VPS26A: variants seen among roughly 807,000 people sequenced by gnomAD.
VPS26A encodes the protein vacuolar protein sorting-associated protein 26A.
Under a neutral mutation model 42.4 loss-of-function variants are expected in VPS26A, and 22 were observed. The ratio of observed to expected loss-of-function variants is 0.52; its 90% CI spans 0.37 to 0.74. The LOEUF is 0.74. VPS26A is among the 30% of genes least tolerant of loss of function. The pLI is 0.00. For missense variants in VPS26A, 276 were observed against 379.2 expected (o/e 0.73, Z 2.26); for synonymous variants, 110 against 123.5 (o/e 0.89, Z 0.73).
rs998524492 is a variant in VPS26A at position 69,174,411 on chromosome 10, A to G, written c.*3142A>G. 1.3e-5 allele frequency among the ~76,000 whole-genome samples: 2 copies of G among 152,154 alleles called. No homozygotes were observed. Among genetic ancestry groups the G allele is most frequent in the Non-Finnish European group, 2.9e-5 (2 of 68,042 alleles). On this transcript the variant is annotated 3_prime_UTR_variant, in exon 9 of 9. Transcript: ENST00000263559. ...CATTAAAATTTTTATTTCTGTCACT[A>G]ATGAAGAATTTTCTCATTGTTTTGA...
In VPS26A at chr10:69,157,012, T is replaced by C. The variant is rs1429715760; in HGVS notation, c.235T>C (p.Phe79Leu). The change falls in exon 4 of 9, where the codon TTC becomes CTC. Residue 79 changes from phenylalanine to leucine, a missense_variant. By Grantham distance (22) the Phe-to-Leu change is conservative. Transcript: ENST00000263559. ...RIEFVGQIELFNDKSNTHEFV... is the reference protein window; with the variant it reads ...RIEFVGQIELLNDKSNTHEFV... ...TGCCTTTTAAAATTTCTCAGAACTT[T>C]TCAATGACAAGAGTAATACTCATGA... The C allele has an allele frequency of 6.3e-7, 1 of 1,587,910 alleles. No individual in the cohort carries two copies. The highest frequency in any genetic ancestry group is 1.9e-5 in the Admixed American group (1 of 53,980).
intron 8 of VPS26A, 104 bp from the exon 9 acceptor site, chr10:69,171,052 G>A: frequency 2.1e-6 from 2 of 948,394 alleles, no homozygotes; most frequent in South Asian, 1.6e-5. Flanking sequence ...GGCTTTTGTA[G>A]GGAAGAATTT....
intron 1 of VPS26A, among the ~76,000 whole-genome samples, chr10:69,130,415 A>G (rs1326820818): frequency 6.6e-6 from 1 of 152,220 alleles, no homozygotes; most frequent in Non-Finnish European, 1.5e-5. Flanking sequence ...CTAAGACAAG[A>G]AGGACACTAG....
chr10:69,143,683 T>A (rs764873770), intron 2 of VPS26A, among the ~76,000 whole-genome samples: 1 of 152,200 alleles, frequency 6.6e-6, no homozygotes, highest in Non-Finnish European at 1.5e-5. Context: ...GTTTTGAGTC[T>A]TTATCACCCA....
At chr10:69,140,072 TG>T (rs916677620) in intron 2 of VPS26A, among the ~76,000 whole-genome samples, 29 of 150,116 alleles carry the variant, frequency 1.9e-4, no homozygotes, top group Admixed American at 5.9e-4. Flanking sequence ...TTTTCCCCAA[TG>T]TTTTTTTTTT....
At chr10:69,134,697 T>C (rs1414076110) in intron 2 of VPS26A, among the ~76,000 whole-genome samples, 2 of 152,104 alleles carry the variant, frequency 1.3e-5, no homozygotes, top group Non-Finnish European at 2.9e-5. Flanking sequence ...TTGTCTCTTC[T>C]GGTCCTTTGC....
chr10:69,166,150 C>A, intron 7 of VPS26A, 40 bp downstream of exon 7: 4 of 1,546,030 alleles, frequency 2.6e-6, no homozygotes, highest in Non-Finnish European at 3.6e-6. Context: ...ATAGTGCAAA[C>A]ATCAGTGTTC....
intron 2 of VPS26A, 112 bp from the exon 3 acceptor site, chr10:69,155,700 C>T: frequency 1.2e-6 from 1 of 832,198 alleles, no homozygotes; most frequent in Non-Finnish European, 1.9e-6. Flanking sequence ...GTGTCTCAAA[C>T]TTCATAAATG....
intron 1 of VPS26A, 102 bp downstream of exon 1, chr10:69,124,382 G>A: frequency 8.5e-7 from 1 of 1,174,026 alleles, no homozygotes; most frequent in Non-Finnish European, 1.1e-6. Flanking sequence ...AGGGGACGGG[G>A]GAGCAGGGCG....
chr10:69,145,096 C>T (rs531124323), intron 2 of VPS26A, among the ~76,000 whole-genome samples: 14 of 152,078 alleles, frequency 9.2e-5, no homozygotes, highest in African/African-American at 2.4e-4. Context: ...AGTGCAGTGG[C>T]GCCATCTTGG....
chr10:69,154,499 G>T (rs1333174510), intron 2 of VPS26A, among the ~76,000 whole-genome samples: 1 of 152,030 alleles, frequency 6.6e-6, no homozygotes, highest in Non-Finnish European at 1.5e-5. Flanking sequence ...TCTTGCCACT[G>T]CACTCTAGCC....
In VPS26A at chr10:69,168,578, T is replaced by C. The variant is rs758927563; in HGVS notation, c.817T>C (p.Phe273Leu). Residue 273 changes from phenylalanine to leucine, a missense_variant, in exon 8 of 9, where the codon TTT becomes CTT. Phe to Leu is a conservative substitution (Grantham distance 22). Coordinates refer to ENST00000263559, the MANE Select transcript of VPS26A (RefSeq NM_004896.5). ...DVNKKFSVRYFLNLVLVDEED... is the reference protein window; with the variant it reads ...DVNKKFSVRYLLNLVLVDEED... ...GAACAAAAAATTTTCAGTAAGGTACTTTTTGAATTTAGTGCTTGTTGATGA... is the reference window on the plus strand; with the variant it reads ...GAACAAAAAATTTTCAGTAAGGTACCTTTTGAATTTAGTGCTTGTTGATGA... The C allele has an allele frequency of 6.2e-7, 1 of 1,614,202 alleles. No individual in the cohort carries two copies. Among genetic ancestry groups the C allele is most frequent in the Admixed American group, 1.7e-5 (1 of 60,028 alleles).
intron 2 of VPS26A, among the ~76,000 whole-genome samples, chr10:69,138,334 G>A (rs1388771666): frequency 2.0e-5 from 3 of 152,162 alleles, no homozygotes; most frequent in African/African-American, 7.2e-5. Context: ...GTGAACATTT[G>A]TGTAGCAGTT....
intron 1 of VPS26A, among the ~76,000 whole-genome samples, chr10:69,132,127 T>C (rs1180039925): frequency 6.6e-6 from 1 of 152,248 alleles, no homozygotes; most frequent in Non-Finnish European, 1.5e-5. Context: ...AAGTAGTGCA[T>C]TATAGTAGTA....
intron 6 of VPS26A, among the ~76,000 whole-genome samples, chr10:69,163,763 T>G (rs1841615570): frequency 6.7e-6 from 1 of 148,428 alleles, no homozygotes; most frequent in Admixed American, 6.6e-5. Context: ...AATTTTCAGT[T>G]TTCTTTTTTT....
chr10:69,133,182 A>G (rs775770124), intron 2 of VPS26A, 135 bp downstream of exon 2: 1 of 904,494 alleles, frequency 1.1e-6, no homozygotes, highest in Non-Finnish European at 1.6e-6. Context: ...TTCAGCTAAA[A>G]TATTTGATTG....
At chr10:69,128,007 A>G (rs552185664) in intron 1 of VPS26A, among the ~76,000 whole-genome samples, 1 of 151,902 alleles carries the variant, frequency 6.6e-6, no homozygotes, top group Non-Finnish European at 1.5e-5. Context: ...TACTTTTTTT[A>G]AAATTATGAA....
intron 2 of VPS26A, among the ~76,000 whole-genome samples, chr10:69,140,894 A>G (rs1252313948): frequency 6.6e-6 from 1 of 152,156 alleles, no homozygotes; most frequent in Non-Finnish European, 1.5e-5. Context: ...CAGACACTCC[A>G]TTGCATTCTT....
intron 2 of VPS26A, among the ~76,000 whole-genome samples, chr10:69,153,318 A>G (rs182072642): frequency 4.8e-4 from 73 of 151,180 alleles, no homozygotes; most frequent in African/African-American, 1.7e-3. Context: ...CCAAAGTGCT[A>G]AGATTACAGG....
Sources: allele counts gnomAD v4.1 joint callset (sites outside exome capture counted in the v4.1 genomes callset), GRCh38; gene constraint gnomAD v4.1.1; transcripts MANE v1.5; gene names NCBI Gene and HGNC (gene_info 2026-07-23, HGNC 2026-07-21).